KCND2: variants seen among roughly 807,000 people sequenced by gnomAD.
The protein encoded by KCND2 is potassium voltage-gated channel subfamily D member 2.
Under a neutral mutation model 54.4 loss-of-function variants are expected in KCND2, and 16 were observed. The ratio of observed to expected loss-of-function variants is 0.29; its 90% CI spans 0.20 to 0.45. The LOEUF (loss-of-function observed/expected upper bound fraction) is 0.45, where lower values mean the gene tolerates loss of function less well. Among genes scored for constraint, KCND2 ranks in the 20% least tolerant of loss-of-function variants. The pLI is 1.00. For synonymous variants in KCND2, 317 were observed against 310.7 expected (o/e 1.02, Z -0.21); for missense variants, 486 against 824.2 (o/e 0.59, Z 5.02).
At chr7:120,557,424 A>G (rs1385355102) in intron 1 of KCND2, among the ~76,000 whole-genome samples, 3 of 152,172 alleles carry the variant, frequency 2.0e-5, no homozygotes, top group African/African-American at 7.2e-5. Flanking sequence ...TGTTATAAGT[A>G]TCTTTAACAT....
At chr7:120,588,184 A>T (rs1260952748) in intron 1 of KCND2, among the ~76,000 whole-genome samples, 1 of 152,172 alleles carries the variant, frequency 6.6e-6, no homozygotes, top group Non-Finnish European at 1.5e-5. Flanking sequence ...TTAAATCTTT[A>T]CCCAAATAAA....
At chr7:120,559,242 A>T (rs963169026) in intron 1 of KCND2, among the ~76,000 whole-genome samples, 2 of 152,214 alleles carry the variant, frequency 1.3e-5, no homozygotes, top group African/African-American at 4.8e-5. Context: ...TAATTTTTCA[A>T]ATGACTTTCA....
intron 1 of KCND2, among the ~76,000 whole-genome samples, chr7:120,363,309 A>G (rs1205036665): frequency 1.3e-5 from 2 of 152,036 alleles, no homozygotes; most frequent in Non-Finnish European, 2.9e-5. Context: ...ATCTATATAT[A>G]TATATCTCCT....
intron 1 of KCND2, among the ~76,000 whole-genome samples, chr7:120,536,677 C>T (rs933302956): frequency 6.6e-6 from 1 of 152,104 alleles, no homozygotes; most frequent in Admixed American, 6.5e-5. Flanking sequence ...GCACATCCTC[C>T]TCCACTAAAG....
intron 1 of KCND2, among the ~76,000 whole-genome samples, chr7:120,698,022 CTTTTTTTTTTTTT>C (rs35589294): frequency 1.2e-4 from 10 of 85,594 alleles, no homozygotes; most frequent in Non-Finnish European, 1.9e-4. Flanking sequence ...TAGATTTGCC[CTTTTTTTTTTTTT>C]TTTTTTTTTT....
At chr7:120,279,406 G>A (rs1482330930) in intron 1 of KCND2, among the ~76,000 whole-genome samples, 1 of 151,854 alleles carries the variant, frequency 6.6e-6, no homozygotes, top group Admixed American at 6.6e-5. Context: ...TGTTATTTTT[G>A]TGGTTCATCT....
intron 1 of KCND2, among the ~76,000 whole-genome samples, chr7:120,633,083 G>A (rs781360409): frequency 1.4e-4 from 22 of 152,128 alleles, no homozygotes; most frequent in Non-Finnish European, 2.6e-4. Context: ...CTGAATTATC[G>A]CCATTTCAAA....
chr7:120,548,850 A>T lies in KCND2; in HGVS notation c.1116-184053A>T, dbSNP rs553764143. On this transcript the variant is annotated intron_variant, in intron 1 of 5. Transcript: ENST00000331113. Reference sequence around the variant, plus strand: ...TGATGAAGACTGTAAAAAGGGATGGACCAGAGAGGCTGACAAGGCAGATGC... The same window carrying T: ...TGATGAAGACTGTAAAAAGGGATGGTCCAGAGAGGCTGACAAGGCAGATGC... Among the ~76,000 whole-genome samples, 37 of 152,182 alleles carry T rather than the reference A, an allele frequency of 2.4e-4. No individual in the cohort carries two copies. The South Asian group carries it at 7.7e-3, about 32-fold the overall frequency.
rs1380802046 is a variant in KCND2 at position 120,650,523 on chromosome 7, T to G, written c.1116-82380T>G. On this transcript the variant is annotated intron_variant, in intron 1 of 5. Transcript: ENST00000331113. ...TTCTAGTTAGCCATTCGTCTAATCT[T>G]TTTTCAAGGTTTTTAGCTTCTTTGC... is the stretch of plus-strand genomic sequence containing the variant. Among the ~76,000 whole-genome samples, 3 of 143,194 alleles carry G rather than the reference T, an allele frequency of 2.1e-5. 1 individual carries two copies. The allele number at this position is 143,194 out of a possible 152,430, so 93.9% of individuals were successfully genotyped here.
intron 2 of KCND2, among the ~76,000 whole-genome samples, chr7:120,733,606 T>C (rs1792833835): frequency 6.6e-6 from 1 of 152,118 alleles, no homozygotes; most frequent in Non-Finnish European, 1.5e-5. Context: ...TGAGTCTCTA[T>C]CTATCAAGGG....
chr7:120,613,401 C>T (rs1262346443), intron 1 of KCND2, among the ~76,000 whole-genome samples: 1 of 152,078 alleles, frequency 6.6e-6, no homozygotes, highest in African/African-American at 2.4e-5. Context: ...TGTAGTGGCG[C>T]ACGCCTGTAA....
At chr7:120,611,214 A>G (rs1342903409) in intron 1 of KCND2, among the ~76,000 whole-genome samples, 4 of 152,190 alleles carry the variant, frequency 2.6e-5, no homozygotes, top group Non-Finnish European at 5.9e-5. Flanking sequence ...GTTTGCAGAT[A>G]TTGTTTAATT....
At chr7:120,592,996 C>T (rs1234152971) in intron 1 of KCND2, among the ~76,000 whole-genome samples, 5 of 152,076 alleles carry the variant, frequency 3.3e-5, no homozygotes, top group African/African-American at 1.2e-4. Context: ...GTTGTCAAAA[C>T]TTACAGAGAA....
intron 1 of KCND2, among the ~76,000 whole-genome samples, chr7:120,714,495 A>G (rs1025643145): frequency 1.2e-4 from 18 of 152,132 alleles, no homozygotes; most frequent in African/African-American, 4.3e-4. Flanking sequence ...AGAAACAACA[A>G]ATCTTTGCAC....
intron 1 of KCND2, among the ~76,000 whole-genome samples, chr7:120,388,873 A>T (rs992789692): frequency 2.2e-5 from 3 of 133,680 alleles, no homozygotes; most frequent in African/African-American, 7.7e-5. Context: ...TTTACTTTAT[A>T]TCATTTATAT....
chr7:120,327,896 G>A (rs1367937870), intron 1 of KCND2, among the ~76,000 whole-genome samples: 1 of 152,042 alleles, frequency 6.6e-6, no homozygotes, highest in Non-Finnish European at 1.5e-5. Flanking sequence ...GATGTTCCAT[G>A]TTCTGCTGAG....
At chr7:120,468,226 C>G (rs1242697973) in intron 1 of KCND2, among the ~76,000 whole-genome samples, 2 of 152,008 alleles carry the variant, frequency 1.3e-5, no homozygotes, top group African/African-American at 4.8e-5. Context: ...CCGTTTAAAT[C>G]CCTCCAAATA....
At chr7:120,535,889 G>A (rs750921978) in intron 1 of KCND2, among the ~76,000 whole-genome samples, 1 of 152,106 alleles carries the variant, frequency 6.6e-6, no homozygotes, top group African/African-American at 2.4e-5. Context: ...TTGTTTTCGT[G>A]TGTGTGTGTA....
chr7:120,631,779 G>A (rs567556067), intron 1 of KCND2, among the ~76,000 whole-genome samples: 15 of 152,152 alleles, frequency 9.9e-5, no homozygotes, highest in African/African-American at 3.6e-4. Flanking sequence ...AGTACAAATA[G>A]TTCATTGTTT....
Sources: gnomAD v4.1 joint callset for allele counts (sites outside exome capture counted in the v4.1 genomes callset) on GRCh38, gnomAD v4.1.1 for gene constraint, MANE v1.5 for transcripts, NCBI Gene and HGNC (gene_info 2026-07-23, HGNC 2026-07-21) for gene names.